The following MAN1C1 variants were observed in gnomAD, a reference collection of about 807,000 sequenced individuals.
The protein encoded by MAN1C1 is mannosyl-oligosaccharide 1,2-alpha-mannosidase IC.
A neutral mutation model predicts 71.5 loss-of-function variants in MAN1C1; 49 were observed. That is an observed-to-expected ratio of 0.69 (90% CI 0.54 to 0.87). The LOEUF (loss-of-function observed/expected upper bound fraction) is 0.87. Among genes scored for constraint, MAN1C1 ranks in the 40% least tolerant of loss-of-function variants. The pLI is 0.00. For synonymous variants in MAN1C1, 352 were observed against 343.7 expected (o/e 1.02, Z -0.27); for missense variants, 743 against 835.0 (o/e 0.89, Z 1.36).
chr1:25,695,963 G>C (rs959247394), intron 2 of MAN1C1, among the ~76,000 whole-genome samples: 3 of 152,128 alleles, frequency 2.0e-5, no homozygotes, highest in South Asian at 2.1e-4. Context: ...CATTTCGAAG[G>C]GGGTATTGGG....
At chr1:25,728,287 C>T (rs1366705065) in intron 2 of MAN1C1, among the ~76,000 whole-genome samples, 3 of 152,172 alleles carry the variant, frequency 2.0e-5, no homozygotes, top group African/African-American at 4.8e-5. Context: ...TCTGCAACCT[C>T]GGGTTCTCAG....
rs1420942023 is a variant in MAN1C1, at chr1:25,783,587, T to C, written c.1767-76T>C. On this transcript the variant is annotated intron_variant, in intron 11 of 11. Coordinates refer to ENST00000374332, the MANE Select transcript of MAN1C1 (RefSeq NM_020379.4). ...AGGCCTATCACAAAGGCCCTGAGACTTGTTCCCAGGCCCACCCTTCTTCCC... is the reference window on the plus strand; with the variant it reads ...AGGCCTATCACAAAGGCCCTGAGACCTGTTCCCAGGCCCACCCTTCTTCCC... 2.3e-5 allele frequency: 36 copies of C among 1,546,188 alleles called. No homozygotes were observed. In the South Asian group the frequency reaches 2.7e-4, roughly 12 times the overall value.
chr1:25,723,410 G>A (rs1040752674), intron 2 of MAN1C1, among the ~76,000 whole-genome samples: 1 of 152,146 alleles, frequency 6.6e-6, no homozygotes, highest in Non-Finnish European at 1.5e-5. Flanking sequence ...GAGCCTTTGG[G>A]GTTTTCTAGC....
intron 1 of MAN1C1, among the ~76,000 whole-genome samples, chr1:25,623,120 A>G (rs545297911): frequency 4.3e-4 from 66 of 152,122 alleles, no homozygotes; most frequent in Non-Finnish European, 7.6e-4. Flanking sequence ...TGCATTTAAC[A>G]TAGGTGGAGA....
intron 2 of MAN1C1, among the ~76,000 whole-genome samples, chr1:25,698,246 C>A (rs2046392431): frequency 6.6e-6 from 1 of 152,150 alleles, no homozygotes; most frequent in South Asian, 2.1e-4. Flanking sequence ...AGTTTGGTAC[C>A]AGGATAGGGG....
intron 4 of MAN1C1, among the ~76,000 whole-genome samples, chr1:25,751,701 C>A (rs2047218727): frequency 6.6e-6 from 1 of 152,262 alleles, no homozygotes; most frequent in African/African-American, 2.4e-5. Context: ...CTCACTGGAG[C>A]CTCGGATGGC....
In MAN1C1 at chr1:25,746,560, C is replaced by T. The variant is rs74060804; in HGVS notation, c.638-108C>T. ...GATGGTGCCTGAGGCCAGCCTTTGC[C>T]ACCAAGCCTGCGCTGGCATTGGAGG... On this transcript the variant is annotated intron_variant, in intron 2 of 11. Transcript: ENST00000374332. The surrounding 1 kb of genome is among the most constrained non-coding windows in gnomAD (Gnocchi z 4.0). 1.6e-3 allele frequency: 1,382 copies of T among 888,058 alleles called. 8 individuals are homozygous for T. The African/African-American group carries it at 0.018, about 12-fold the overall frequency. 55.0% of individuals were successfully genotyped at this position (888,058 alleles called of 1,614,324 possible). A position where few individuals can be genotyped will look rare whatever the true frequency, so the allele number is the denominator to read the frequency against.
intron 1 of MAN1C1, among the ~76,000 whole-genome samples, chr1:25,680,619 A>T (rs2046138297): frequency 6.6e-6 from 1 of 152,218 alleles, no homozygotes; most frequent in Non-Finnish European, 1.5e-5. Context: ...CTCAAGTTTC[A>T]TCCATGCTGT....
chr1:25,758,317 G>A (rs150584332), intron 5 of MAN1C1, among the ~76,000 whole-genome samples: 4 of 152,326 alleles, frequency 2.6e-5, no homozygotes, highest in Non-Finnish European at 4.4e-5. Context: ...CAGGTCTCGA[G>A]CTCCCAAGTC....
At chr1:25,768,100 C>G (rs1473285922) in intron 7 of MAN1C1, among the ~76,000 whole-genome samples, 1 of 120,242 alleles carries the variant, frequency 8.3e-6, no homozygotes, top group Admixed American at 8.2e-5. Context: ...GACCCACACA[C>G]CCCTCACATA....
chr1:25,647,604 A>G (rs895008396), intron 1 of MAN1C1, among the ~76,000 whole-genome samples: 4 of 152,260 alleles, frequency 2.6e-5, no homozygotes, highest in Middle Eastern at 3.4e-3. Context: ...TCAAGCACAC[A>G]TGGTCAAAAC....
At chr1:25,755,862 T>C (rs2047278978) in intron 5 of MAN1C1, among the ~76,000 whole-genome samples, 1 of 152,172 alleles carries the variant, frequency 6.6e-6, no homozygotes, top group African/African-American at 2.4e-5. Flanking sequence ...CTTGAAAGGC[T>C]GGGAGAGGAG....
intron 1 of MAN1C1, among the ~76,000 whole-genome samples, chr1:25,660,865 A>AT: frequency 6.6e-6 from 1 of 151,416 alleles, no homozygotes; most frequent in East Asian, 2.0e-4. Context: ...TAATTTTTTT[A>AT]TTTTTTGTAG....
intron 2 of MAN1C1, among the ~76,000 whole-genome samples, chr1:25,698,186 T>C (rs1362821272): frequency 6.6e-6 from 1 of 152,204 alleles, no homozygotes; most frequent in East Asian, 1.9e-4. Context: ...CCCATTCCAC[T>C]GCAGCTCTGG....
rs2047508478 is a variant in MAN1C1 at position 25,769,100 on chromosome 1, C to G, written c.1142-2557C>G. Among the ~76,000 whole-genome samples, 1 of 146,918 alleles carries G rather than the reference C, an allele frequency of 6.8e-6. No homozygotes were observed. Among genetic ancestry groups the G allele is most frequent in the African/African-American group, 2.5e-5 (1 of 39,768 alleles). On this transcript the variant is annotated intron_variant, in intron 7 of 11. Coordinates refer to ENST00000374332, the MANE Select transcript of MAN1C1 (RefSeq NM_020379.4). This position sits in a 1 kb window ranked among gnomAD's most constrained non-coding sequence, Gnocchi z 4.8. The stretch of plus-strand genomic sequence containing the variant: ...CACACACACACCTATCACCCACACT[C>G]CCTCCCACACACACACCACACACTC...
chr1:25,652,440 C>T (rs2045706442), intron 1 of MAN1C1, among the ~76,000 whole-genome samples: 1 of 152,210 alleles, frequency 6.6e-6, no homozygotes, highest in Non-Finnish European at 1.5e-5. Context: ...AGTTCTGTTC[C>T]AGCTGGCACC....
intron 2 of MAN1C1, among the ~76,000 whole-genome samples, chr1:25,717,757 T>C (rs1282158257): frequency 6.6e-6 from 1 of 151,484 alleles, no homozygotes; most frequent in African/African-American, 2.4e-5. Context: ...AGAGATGGGG[T>C]TTCTCCATGT....
At position 25,778,490 on chromosome 1, in the gene MAN1C1, A is replaced by G. The variant is rs1228639816; in HGVS notation, c.1477+166A>G. Among the ~76,000 whole-genome samples the G allele has an allele frequency of 2.0e-5, 3 of 152,176 alleles. No individual in the cohort carries two copies. Among genetic ancestry groups the G allele is most frequent in the Non-Finnish European group, 4.4e-5 (3 of 68,018 alleles). On this transcript the variant is annotated intron_variant, in intron 9 of 11. Coordinates refer to ENST00000374332, the MANE Select transcript of MAN1C1 (RefSeq NM_020379.4). This position sits in a 1 kb window ranked among gnomAD's most constrained non-coding sequence, Gnocchi z 5.5. ...GGTACTCTCCAGGCTCCGAGACCAT[A>G]CCCTGAATGAAAGGGAAACTAGTAC... is the stretch of plus-strand genomic sequence containing the variant.
Position 25,626,688 on chromosome 1 carries a change from A to C in MAN1C1, c.540+8351A>C, listed in dbSNP as rs145485875. Among the ~76,000 whole-genome samples the C allele has an allele frequency of 2.6e-3, 399 of 152,158 alleles. 1 individual carries two copies. Among genetic ancestry groups the C allele is most frequent in the African/African-American group, 9.2e-3 (380 of 41,498 alleles). On this transcript the variant is annotated intron_variant, in intron 1 of 11. Transcript: ENST00000374332. Reference sequence around the variant, plus strand: ...TTTGCTGTTTCTGTATCTCTCTTATAAATGTCTGTTTAAAACTTTTGTTCT... The same window carrying C: ...TTTGCTGTTTCTGTATCTCTCTTATCAATGTCTGTTTAAAACTTTTGTTCT...
Sources: allele counts gnomAD v4.1 joint callset (sites outside exome capture counted in the v4.1 genomes callset), GRCh38; gene constraint gnomAD v4.1.1; non-coding constraint Gnocchi (gnomAD v3.1); transcripts MANE v1.5; gene names NCBI Gene and HGNC (gene_info 2026-07-23, HGNC 2026-07-21).